The following TTC23 variants were observed in gnomAD, a reference collection of about 807,000 sequenced individuals.
The protein encoded by TTC23 is tetratricopeptide repeat protein 23.
In TTC23, 58 loss-of-function variants were observed where a neutral mutation model predicts 55.1. The observed-to-expected ratio is 1.05, with a 90% confidence interval of 0.85 to 1.31. The LOEUF is 1.31. Ranked by LOEUF, TTC23 falls within the 50% of genes most tolerant of loss-of-function variation. The pLI is 0.00. For synonymous variants in TTC23, 203 were observed against 199.9 expected, an observed-to-expected ratio of 1.02 and a Z score of -0.13; for missense variants, 516 against 534.4, an observed-to-expected ratio of 0.97 and a Z score of 0.34.
In TTC23 at chr15:99,238,443, C is replaced by T. The variant is rs545491372; in HGVS notation, c.-114+2922G>A. 2.6e-5 allele frequency among the ~76,000 whole-genome samples: 4 copies of T among 152,236 alleles called. No homozygotes were observed. The South Asian group carries it at 8.3e-4, about 32-fold the overall frequency. On this transcript the variant is annotated intron_variant, in intron 3 of 13. Coordinates refer to ENST00000394132, the MANE Select transcript of TTC23 (RefSeq NM_001288615.3). The stretch of plus-strand genomic sequence containing the variant: ...GGTGCTAAAATTGCTAGAAGAGTGG[C>T]AAGTGCTAAGACTTCAGAAATGGGA...
chr15:99,244,819 A>G lies in TTC23; in HGVS notation c.-309+570T>C, dbSNP rs1235210744. On this transcript the variant is annotated intron_variant, in intron 2 of 13. Coordinates refer to ENST00000394132, the MANE Select transcript of TTC23 (RefSeq NM_001288615.3). Reference sequence around the variant, plus strand: ...TTAAGATGGAAATACGAGACTAAGAATAAATAAAACAATCTTAAAAAAGAA... The same window carrying G: ...TTAAGATGGAAATACGAGACTAAGAGTAAATAAAACAATCTTAAAAAAGAA... Among the ~76,000 whole-genome samples, 66 of 152,244 alleles carry G rather than the reference A, an allele frequency of 4.3e-4. 2 individuals carry two copies. The highest frequency in any genetic ancestry group is 4.3e-3 in the Admixed American group (66 of 15,284).
chr15:99,239,428 T>C (rs1006070330), intron 3 of TTC23, among the ~76,000 whole-genome samples: 1 of 151,870 alleles, frequency 6.6e-6, no homozygotes, highest in Non-Finnish European at 1.5e-5. Flanking sequence ...GAGGTTGCAG[T>C]GAGCCGAGAC....
intron 8 of TTC23, among the ~76,000 whole-genome samples, chr15:99,204,784 C>A (rs1344034058): frequency 6.6e-6 from 1 of 151,718 alleles, no homozygotes; most frequent in Admixed American, 6.6e-5. Flanking sequence ...TATAGGTGCA[C>A]ACCACCACAC....
At chr15:99,211,403 G>A (rs1036519335) in intron 8 of TTC23, among the ~76,000 whole-genome samples, 3 of 151,762 alleles carry the variant, frequency 2.0e-5, no homozygotes, top group Non-Finnish European at 4.4e-5. Flanking sequence ...AAAAGAAGAA[G>A]TAAGTATATA....
At chr15:99,161,038 G>C (rs888086212) in intron 11 of TTC23, 1 of 149,852 alleles carries the variant, frequency 6.7e-6, no homozygotes, top group Non-Finnish European at 1.5e-5. Context: ...AAAACTTAAC[G>C]GAGAGGAGTG....
intron 10 of TTC23, among the ~76,000 whole-genome samples, chr15:99,169,740 T>G (rs1390020630): frequency 1.3e-5 from 2 of 152,176 alleles, no homozygotes; most frequent in Non-Finnish European, 2.9e-5. Context: ...CAGTCTACTG[T>G]GTAAAATGTG....
At chr15:99,138,266 G>C in intron 13 of TTC23, 139 bp from the exon 14 acceptor site, 1 of 987,778 alleles carries the variant, frequency 1.0e-6, no homozygotes, top group South Asian at 1.7e-5. Context: ...GAGGAGAATT[G>C]TAGCACAGAG....
intron 11 of TTC23, among the ~76,000 whole-genome samples, chr15:99,161,491 C>T (rs1014155246): frequency 6.6e-6 from 1 of 152,176 alleles, no homozygotes; most frequent in Non-Finnish European, 1.5e-5. Context: ...CAGGGCCTGT[C>T]CACTATTTCT....
At chr15:99,164,843 C>A (rs1371590916) in intron 10 of TTC23, among the ~76,000 whole-genome samples, 1 of 152,146 alleles carries the variant, frequency 6.6e-6, no homozygotes, top group Non-Finnish European at 1.5e-5. Flanking sequence ...ATCCAATCAG[C>A]CCCTGTAAAG....
chr15:99,201,769 G>A (rs564260020), intron 8 of TTC23, among the ~76,000 whole-genome samples: 1 of 152,268 alleles, frequency 6.6e-6, no homozygotes, highest in Non-Finnish European at 1.5e-5. Context: ...TCCTTTCTGT[G>A]GGCTTCCTTT....
At chr15:99,214,015 T>C (rs1322218381) in intron 8 of TTC23, among the ~76,000 whole-genome samples, 1 of 152,230 alleles carries the variant, frequency 6.6e-6, no homozygotes, top group African/African-American at 2.4e-5. Context: ...AACAATGGTA[T>C]ATGAGAGAGC....
At chr15:99,216,833 T>G (rs1258685085) in intron 8 of TTC23, among the ~76,000 whole-genome samples, 2 of 152,168 alleles carry the variant, frequency 1.3e-5, no homozygotes, top group African/African-American at 4.8e-5. Context: ...TTGTACTCAG[T>G]ACCACCCCTG....
chr15:99,212,302 G>A (rs2077104697), intron 8 of TTC23, among the ~76,000 whole-genome samples: 1 of 151,886 alleles, frequency 6.6e-6, no homozygotes, highest in Non-Finnish European at 1.5e-5. Flanking sequence ...GCATGCATGT[G>A]CAATGGCATA....
Position 99,172,511 on chromosome 15 carries a change from A to C in TTC23, c.865+2539T>G, listed in dbSNP as rs1297153778. Among the ~76,000 whole-genome samples the C allele has an allele frequency of 2.0e-5, 3 of 152,292 alleles. No individual in the cohort carries two copies. In the East Asian group the frequency reaches 5.8e-4, roughly 29 times the overall value. ...GCCTAAGGTGGGAGGAGACATGTGA[A>C]GTGCCAGACCCTATAACATGACATG... On this transcript the variant is annotated intron_variant, in intron 10 of 13. Transcript: ENST00000394132.
chr15:99,215,039 A>G (rs2077363965), intron 8 of TTC23, among the ~76,000 whole-genome samples: 1 of 151,184 alleles, frequency 6.6e-6, no homozygotes, highest in East Asian at 2.0e-4. Context: ...TATTTTTAGT[A>G]GAGACAGGGT....
At chr15:99,211,640 TCTTTCTTG>T (rs770418537) in intron 8 of TTC23, among the ~76,000 whole-genome samples, 1 of 152,196 alleles carries the variant, frequency 6.6e-6, no homozygotes, top group Non-Finnish European at 1.5e-5. Context: ...ATTGCCCTTT[TCTTTCTTG>T]CTTTCTTGCT....
At chr15:99,139,017 C>A (rs1555488629) in intron 13 of TTC23, 4 of 442,996 alleles carry the variant, frequency 9.0e-6, no homozygotes, top group African/African-American at 8.0e-5. Flanking sequence ...CTGCAGGAGG[C>A]CACAGGGATT....
Position 99,199,478 on chromosome 15 carries a change from G to GTA in TTC23, c.759+439_759+440dup, listed in dbSNP as rs1220586128. 1.0e-4 allele frequency among the ~76,000 whole-genome samples: 15 copies of GTA among 149,546 alleles called. No homozygotes were observed. In the South Asian group the frequency reaches 3.2e-3, roughly 32 times the overall value. On this transcript the variant is annotated intron_variant, in intron 9 of 13. Transcript: ENST00000394132. ...TGTGTTTGTGTGTGTGTGTGTGTGT[G>GTA]TACGTATCCTATTGGTTCTGTTTCT...
chr15:99,139,659 T>A, intron 12 of TTC23: 2 of 1,439,728 alleles, frequency 1.4e-6, no homozygotes, highest in Non-Finnish European at 1.8e-6. Context: ...TTAAAAGTAG[T>A]ATTTTTAAAA....
Sources: allele counts gnomAD v4.1 joint callset (sites outside exome capture counted in the v4.1 genomes callset), GRCh38; gene constraint gnomAD v4.1.1; transcripts MANE v1.5; gene names NCBI Gene and HGNC (gene_info 2026-07-23, HGNC 2026-07-21).